Variants in ZNF141 observed in about 807,000 individuals in gnomAD.
ZNF141 encodes the protein zinc finger protein 141.
A neutral mutation model predicts 11.3 loss-of-function variants in ZNF141; 7 were observed. The ratio of observed to expected loss-of-function variants is 0.62; its 90% CI spans 0.35 to 1.16. The LOEUF (loss-of-function observed/expected upper bound fraction) is 1.16, where lower values mean the gene tolerates loss of function less well. ZNF141 is among the 50% of genes most tolerant of loss of function. The probability of loss-of-function intolerance (pLI) is 0.02; values close to 1 mark genes in which losing one functional copy is unlikely to be tolerated. For synonymous variants in ZNF141, 183 were observed against 190.7 expected (o/e 0.96, Z 0.33); for missense variants, 535 against 554.0 (o/e 0.97, Z 0.34).
At chr4:350,018 G>A in intron 3 of ZNF141, 2 of 434,588 alleles carry the variant, frequency 4.6e-6, no homozygotes, top group Admixed American at 2.5e-5. Context: ...CAGGAGCACA[G>A]CTGAGGCCAG....
At chr4:351,133 C>T (rs1553850383) in intron 3 of ZNF141, among the ~76,000 whole-genome samples, 1 of 152,054 alleles carries the variant, frequency 6.6e-6, no homozygotes, top group Non-Finnish European at 1.5e-5. Context: ...ATGACTCACT[C>T]TCCCTTTGCT....
intron 3 of ZNF141, among the ~76,000 whole-genome samples, chr4:345,293 A>G (rs1458701839): frequency 2.0e-5 from 3 of 152,198 alleles, no homozygotes; most frequent in Admixed American, 2.0e-4. Flanking sequence ...CATTTCCTAA[A>G]TATGAAAAAA....
rs570639890 is a variant in ZNF141 at position 378,835 on chromosome 4, ATTTTTTT to A, written c.*4994_*5000del. Among the ~76,000 whole-genome samples, 10 of 78,626 alleles carry A rather than the reference ATTTTTTT, an allele frequency of 1.3e-4. No individual in the cohort carries two copies. Among genetic ancestry groups the A allele is most frequent in the East Asian group, 3.8e-4 (1 of 2,626 alleles). 51.6% of individuals were successfully genotyped at this position (78,626 alleles called of 152,430 possible). On this transcript the variant is annotated 3_prime_UTR_variant, in exon 4 of 4. Transcript: ENST00000240499. Reference sequence around the variant, plus strand: ...GTTGAATCCAAACAGTTTCTCAGTGATTTTTTTTTTTTTTTTTTTTTTTTTTTGAGAT... The same window carrying A: ...GTTGAATCCAAACAGTTTCTCAGTGATTTTTTTTTTTTTTTTTTTTGAGAT...
intron 2 of ZNF141, 93 bp downstream of exon 2, chr4:344,001 C>T: frequency 6.7e-7 from 1 of 1,502,748 alleles, no homozygotes; most frequent in Non-Finnish European, 8.9e-7. Context: ...TATGTTTTAT[C>T]TTTACATAAA....
chr4:372,993 C>T lies in ZNF141; in HGVS notation c.556C>T (p.Leu186=), dbSNP rs142420797. ...CAAATCATTTCAGAAGTTTTCACAC[C>T]TAACTCAACATAAGGTAATTCATGC... ...CGKSFQKFSH[L]TQHKVIHAGE... Residue 186 remains leucine, a synonymous_variant, in exon 4 of 4, where the codon CTA becomes TTA. Transcript: ENST00000240499. 2.2e-5 allele frequency: 36 copies of T among 1,614,002 alleles called. No individual in the cohort carries two copies. The African/African-American group carries it at 3.7e-4, about 17-fold the overall frequency.
At chr4:369,175 A>C (rs73219213) in intron 3 of ZNF141, among the ~76,000 whole-genome samples, 1 of 144,692 alleles carries the variant, frequency 6.9e-6, no homozygotes, top group Non-Finnish European at 1.5e-5. Flanking sequence ...ACACACACAC[A>C]CTCACACACA....
rs1553854743 is a variant in ZNF141, at chr4:376,952, G to A, written c.*3090G>A. On this transcript the variant is annotated 3_prime_UTR_variant, in exon 4 of 4. Transcript: ENST00000240499. ...TATAATTTCTTTGATTCTCTTTTTT[G>A]TTTTCACTTCATGAAGTGTTTATTA... Among the ~76,000 whole-genome samples the A allele has an allele frequency of 1.3e-5, 2 of 151,808 alleles. No homozygotes were observed. Among genetic ancestry groups the A allele is most frequent in the South Asian group, 4.1e-4 (2 of 4,826 alleles).
Position 338,078 on chromosome 4 carries a change from C to T in ZNF141, c.3+92C>T, listed in dbSNP as rs1020944943. 4.2e-5 allele frequency: 65 copies of T among 1,559,024 alleles called. 1 individual carries two copies. The East Asian group carries it at 1.5e-3, about 35-fold the overall frequency. Reference sequence around the variant, plus strand: ...CGGGACCGAGTCTGCGAACGGAGTCCCCGCTGCCGCCGCTCAGCCCTGGGG... The same window carrying T: ...CGGGACCGAGTCTGCGAACGGAGTCTCCGCTGCCGCCGCTCAGCCCTGGGG... On this transcript the variant is annotated intron_variant, in intron 1 of 3. Transcript: ENST00000240499.
intron 3 of ZNF141, among the ~76,000 whole-genome samples, chr4:352,311 C>T (rs1221879887): frequency 5.9e-5 from 9 of 152,086 alleles, no homozygotes; most frequent in Admixed American, 3.3e-4. Flanking sequence ...CACTTGAACC[C>T]GGGAGGCGGA....
chr4:349,026 T>A (rs1013554484), intron 3 of ZNF141, among the ~76,000 whole-genome samples: 11 of 152,238 alleles, frequency 7.2e-5, no homozygotes, highest in Non-Finnish European at 1.3e-4. Context: ...ATATGTTTTT[T>A]ATGTCATTTG....
At position 375,025 on chromosome 4, in the gene ZNF141, GC is replaced by G. The variant is rs1472098339; in HGVS notation, c.*1164del. 2.0e-5 allele frequency: 3 copies of G among 152,032 alleles called. No individual in the cohort carries two copies. The highest frequency in any genetic ancestry group is 4.4e-5 in the Non-Finnish European group (3 of 67,976). The allele number at this position is 152,032 out of a possible 1,614,324, so 9.4% of individuals were successfully genotyped here. A position where few individuals can be genotyped will look rare whatever the true frequency, so the allele number is the denominator to read the frequency against. ...CCTACTGAAGAAATCCCCTGGAAATGCAAAAAATGTGGCAGGATTTTTACCA... is the reference window on the plus strand; with the variant it reads ...CCTACTGAAGAAATCCCCTGGAAATGAAAAAATGTGGCAGGATTTTTACCA... On this transcript the variant is annotated 3_prime_UTR_variant, in exon 4 of 4. Transcript: ENST00000240499.
intron 1 of ZNF141, chr4:338,264 G>T: frequency 2.4e-6 from 1 of 416,008 alleles, no homozygotes; most frequent in Non-Finnish European, 4.4e-6. Flanking sequence ...CCCGCGCGGC[G>T]TGCGCGATGC....
chr4:355,157 A>T (rs7672205), intron 3 of ZNF141, among the ~76,000 whole-genome samples: 16,898 of 151,740 alleles, frequency 0.11, 1,871 homozygotes, highest in African/African-American at 0.29. Context: ...AAGTTTTTTT[A>T]ATGACGAATT....
At chr4:367,500 A>T (rs2108721240) in intron 3 of ZNF141, among the ~76,000 whole-genome samples, 1 of 151,974 alleles carries the variant, frequency 6.6e-6, no homozygotes, top group South Asian at 2.1e-4. Flanking sequence ...AATTGTCAAA[A>T]ACACATAAAC....
At position 373,310 on chromosome 4, in the gene ZNF141, C is replaced by A; in HGVS notation, c.873C>A (p.Ile291=). Residue 291 remains isoleucine (I), a synonymous_variant, in exon 4 of 4, where the codon ATC becomes ATA. Transcript: ENST00000240499. ...TCACATGTGAAGAATGTAGGAAAAT[C>A]TTTACCTCATCCTCAAACTTTGCCA... is the stretch of plus-strand genomic sequence containing the variant. ...KPITCEECRK[I]FTSSSNFAKH... The A allele has an allele frequency of 1.9e-6, 3 of 1,613,032 alleles. No individual in the cohort carries two copies. The South Asian group carries it at 3.3e-5, about 18-fold the overall frequency.
rs1553854621 is a variant in ZNF141 at position 376,195 on chromosome 4, T to C, written c.*2333T>C. 6.6e-6 allele frequency among the ~76,000 whole-genome samples: 1 copy of C among 152,084 alleles called. No homozygotes were observed. On this transcript the variant is annotated 3_prime_UTR_variant, in exon 4 of 4. Transcript: ENST00000240499. Reference sequence around the variant, plus strand: ...CTTACTCAATGGTGTAGGTAAAAGATGGTAACAATGGTAACATAGTTGAAT... The same window carrying C: ...CTTACTCAATGGTGTAGGTAAAAGACGGTAACAATGGTAACATAGTTGAAT...
intron 3 of ZNF141, chr4:350,238 G>T (rs376463540): frequency 1.9e-6 from 1 of 534,294 alleles, no homozygotes; most frequent in Admixed American, 1.9e-5. Context: ...TCTGAGTGAG[G>T]GCCTGCTTAT....
chr4:373,865 G>T lies in ZNF141; in HGVS notation c.*3G>T. ...AACATAAGAAAATTCATACTTGAGA[G>T]AAATCCTACAAATGTAAAGAATGTG... On this transcript the variant is annotated 3_prime_UTR_variant, in exon 4 of 4. Transcript: ENST00000240499. 1 of 1,594,520 alleles carries T rather than the reference G, an allele frequency of 6.3e-7. No homozygotes were observed. The highest frequency in any genetic ancestry group is 8.6e-7 in the Non-Finnish European group (1 of 1,169,464).
In ZNF141 at chr4:374,100, A is replaced by C; in HGVS notation, c.*238A>C. 3 of 538,518 alleles carry C rather than the reference A, an allele frequency of 5.6e-6. No individual in the cohort carries two copies. Among genetic ancestry groups the C allele is most frequent in the Non-Finnish European group, 9.9e-6 (3 of 302,976 alleles). 33.4% of individuals were successfully genotyped at this position (538,518 alleles called of 1,614,324 possible). A position where few individuals can be genotyped will look rare whatever the true frequency, so the allele number is the denominator to read the frequency against. Reference sequence around the variant, plus strand: ...GTCCACAAACCTGAATGAGCAGAAGAAAATTATTACTGGAGATAAACCCTG... The same window carrying C: ...GTCCACAAACCTGAATGAGCAGAAGCAAATTATTACTGGAGATAAACCCTG... On this transcript the variant is annotated 3_prime_UTR_variant, in exon 4 of 4. Transcript: ENST00000240499.
Sources: gnomAD v4.1 joint callset for allele counts (sites outside exome capture counted in the v4.1 genomes callset) on GRCh38, gnomAD v4.1.1 for gene constraint, MANE v1.5 for transcripts, NCBI Gene and HGNC (gene_info 2026-07-23, HGNC 2026-07-21) for gene names.